Variants in CABLES1 observed in about 807,000 individuals in gnomAD.
CABLES1 encodes the protein Cdk5 and Abl enzyme substrate 1, also known as CDK5 and ABL1 enzyme substrate 1.
CABLES1 carries 36 observed loss-of-function variants against 57.8 expected under a neutral mutation model. The observed-to-expected ratio is 0.62, with a 90% confidence interval of 0.48 to 0.82. The LOEUF is 0.82. Ranked by LOEUF, CABLES1 falls within the 40% of genes least tolerant of loss-of-function variation. The pLI, the probability that CABLES1 is intolerant of heterozygous loss-of-function variation, is 0.00. For missense variants in CABLES1, 767 were observed against 836.6 expected, an observed-to-expected ratio of 0.92 and a Z score of 1.03; for synonymous variants, 374 against 363.0, an observed-to-expected ratio of 1.03 and a Z score of -0.35.
At position 23,136,175 on chromosome 18, in the gene CABLES1, C is replaced by A; in HGVS notation, c.413C>A (p.Pro138His). The change falls in exon 1 of 10, where the codon CCC becomes CAC. Residue 138 changes from proline (P) to histidine (H), a missense_variant. Around this residue, in one of 4 missense-constraint regions of CABLES1, gnomAD observed 529 missense variants for 622.8 expected, o/e 0.85. Transcript: ENST00000256925. The stretch of plus-strand genomic sequence containing the variant: ...GCGGGGTTAGCCGCTGGGTCCGGCC[C>A]CTGCCTCCCACAGCCCTCGTCGCTG... ...PAAGLAAGSG[P>H]CLPQPSSLPP... The A allele has an allele frequency of 8.2e-7, 1 of 1,225,874 alleles. No homozygotes were observed. Among genetic ancestry groups the A allele is most frequent in the Non-Finnish European group, 1.0e-6 (1 of 984,918 alleles). The allele number at this position is 1,225,874 out of a possible 1,614,324, so 75.9% of individuals were successfully genotyped here.
chr18:23,257,459 G>T lies in CABLES1; in HGVS notation c.*92G>T. 4.4e-6 allele frequency: 6 copies of T among 1,367,380 alleles called. No individual in the cohort carries two copies. The highest frequency in any genetic ancestry group is 5.9e-6 in the Non-Finnish European group (6 of 1,016,640). 84.7% of individuals were successfully genotyped at this position (1,367,380 alleles called of 1,614,324 possible). On this transcript the variant is annotated 3_prime_UTR_variant, in exon 10 of 10. Transcript: ENST00000256925. Reference sequence around the variant, plus strand: ...TGGAAATGAAAAAAAGTAGAACTCAGAATACCAGACTTTTCTTCCTCTCGA... The same window carrying T: ...TGGAAATGAAAAAAAGTAGAACTCATAATACCAGACTTTTCTTCCTCTCGA...
intron 1 of CABLES1, among the ~76,000 whole-genome samples, chr18:23,139,990 C>T (rs1303261553): frequency 1.3e-5 from 2 of 152,202 alleles, no homozygotes; most frequent in African/African-American, 2.4e-5. Context: ...TTTGCTATTT[C>T]ACCATCTCTA....
intron 3 of CABLES1, among the ~76,000 whole-genome samples, chr18:23,206,964 C>T (rs924542113): frequency 2.6e-5 from 4 of 152,034 alleles, no homozygotes; most frequent in Non-Finnish European, 5.9e-5. Context: ...GCGTGTGCTA[C>T]CACACCCAGC....
chr18:23,244,315 CAGAG>C (rs1337593309), intron 7 of CABLES1, among the ~76,000 whole-genome samples: 1 of 152,232 alleles, frequency 6.6e-6, no homozygotes, highest in Non-Finnish European at 1.5e-5. Flanking sequence ...AAACCTGAAG[CAGAG>C]AGAGCTTTTC....
At chr18:23,174,244 CATA>C (rs948893336) in intron 1 of CABLES1, among the ~76,000 whole-genome samples, 1 of 152,182 alleles carries the variant, frequency 6.6e-6, no homozygotes, top group Non-Finnish European at 1.5e-5. Flanking sequence ...TTTGGCTTAA[CATA>C]ATGTTTTCAA....
At chr18:23,213,894 G>A in intron 3 of CABLES1, 83 bp from the exon 4 acceptor site, 1 of 862,720 alleles carries the variant, frequency 1.2e-6, no homozygotes, top group Non-Finnish European at 1.8e-6. Context: ...TGCCATGAAT[G>A]CTTAATTGCT....
intron 3 of CABLES1, among the ~76,000 whole-genome samples, chr18:23,207,029 C>T (rs1316796012): frequency 1.3e-5 from 2 of 152,090 alleles, no homozygotes; most frequent in African/African-American, 2.4e-5. Flanking sequence ...CCAGGCTGGT[C>T]TCAAACTCTT....
intron 4 of CABLES1, among the ~76,000 whole-genome samples, chr18:23,231,716 T>C (rs1332751009): frequency 6.6e-6 from 1 of 152,024 alleles, no homozygotes; most frequent in Admixed American, 6.6e-5. Context: ...TTTAAATGGG[T>C]TTGGGTTTTA....
chr18:23,148,829 G>C (rs2046909510), intron 1 of CABLES1, among the ~76,000 whole-genome samples: 1 of 152,350 alleles, frequency 6.6e-6, no homozygotes, highest in African/African-American at 2.4e-5. Flanking sequence ...AATAGGCACA[G>C]GTGTGAGCAG....
chr18:23,151,846 C>T (rs981579018), intron 1 of CABLES1, among the ~76,000 whole-genome samples: 6 of 152,086 alleles, frequency 3.9e-5, no homozygotes, highest in African/African-American at 1.2e-4. Flanking sequence ...GGAGGAGCAG[C>T]GGGTTTGAAG....
intron 1 of CABLES1, among the ~76,000 whole-genome samples, chr18:23,172,774 C>G (rs1268645229): frequency 1.3e-5 from 2 of 152,196 alleles, no homozygotes; most frequent in African/African-American, 4.8e-5. Context: ...TCCTGAACAG[C>G]CTGGTAATTA....
intron 3 of CABLES1, chr18:23,204,633 C>T (rs2047349543): frequency 6.6e-6 from 1 of 152,388 alleles, no homozygotes; most frequent in African/African-American, 2.4e-5. Context: ...TGTTCTCACA[C>T]TGCTGATTAA....
chr18:23,150,207 G>GTTTTTTGTTTTTTTTT (rs1555658964), intron 1 of CABLES1, among the ~76,000 whole-genome samples: 6 of 106,662 alleles, frequency 5.6e-5, no homozygotes, highest in African/African-American at 2.5e-4. Context: ...GTTGGTGTTT[G>GTTTTTTGTTTTTTTTT]TTTTTTTTTT....
At chr18:23,193,535 A>C (rs1466633156) in intron 2 of CABLES1, among the ~76,000 whole-genome samples, 1 of 152,196 alleles carries the variant, frequency 6.6e-6, no homozygotes, top group Non-Finnish European at 1.5e-5. Flanking sequence ...ACAGGCACCC[A>C]TGTCCCATGG....
chr18:23,244,742 A>T (rs2047831413), intron 7 of CABLES1, among the ~76,000 whole-genome samples: 2 of 152,286 alleles, frequency 1.3e-5, no homozygotes, highest in African/African-American at 4.8e-5. Flanking sequence ...TTCCTTTCAC[A>T]GGCGTGGTGT....
intron 3 of CABLES1, among the ~76,000 whole-genome samples, chr18:23,209,655 A>G (rs138249875): frequency 1.3e-5 from 2 of 152,266 alleles, no homozygotes; most frequent in Non-Finnish European, 2.9e-5. Flanking sequence ...CATGTCCTTA[A>G]GAGAATATTT....
intron 3 of CABLES1, among the ~76,000 whole-genome samples, chr18:23,201,940 G>A (rs1325696816): frequency 2.0e-5 from 3 of 152,234 alleles, no homozygotes; most frequent in Admixed American, 6.5e-5. Context: ...CAGTGGGGAA[G>A]CGCATGCGCC....
chr18:23,257,285 T>C lies in CABLES1; in HGVS notation c.1820T>C (p.Val607Ala), dbSNP rs1302300296. 1.9e-6 allele frequency: 3 copies of C among 1,613,748 alleles called. No homozygotes were observed. The South Asian group carries it at 3.3e-5, about 18-fold the overall frequency. ...RRELIAFEFPVLVALEFALHL... is the reference protein window; with the variant it reads ...RRELIAFEFPALVALEFALHL... ...GAACTGATTGCCTTTGAATTCCCGG[T>C]GTTAGTGGCCTTGGAATTCGCCCTC... The change falls in exon 10 of 10, where the codon GTG (valine) becomes GCG (alanine). Residue 607 changes from valine (V) to alanine (A), a missense_variant. Val to Ala is a moderately conservative substitution (Grantham distance 64, BLOSUM62 0). Transcript: ENST00000256925.
At chr18:23,186,931 G>A (rs986568390) in intron 1 of CABLES1, among the ~76,000 whole-genome samples, 1 of 152,190 alleles carries the variant, frequency 6.6e-6, no homozygotes, top group African/African-American at 2.4e-5. Flanking sequence ...GGCTAGGCTC[G>A]CTGCCTGCTT....
Sources: gnomAD v4.1 joint callset for allele counts (sites outside exome capture counted in the v4.1 genomes callset) on GRCh38, gnomAD v4.1.1 for gene constraint, gnomAD v4.1.1 regional missense constraint, MANE v1.5 for transcripts, NCBI Gene and HGNC (gene_info 2026-07-23, HGNC 2026-07-21) for gene names.